Variants in LYST observed in about 807,000 individuals in gnomAD.
The protein encoded by LYST is lysosomal trafficking regulator.
LYST carries 192 observed loss-of-function variants against 413.6 expected under a neutral mutation model. The ratio of observed to expected loss-of-function variants is 0.46; its 90% CI spans 0.41 to 0.52. The LOEUF (loss-of-function observed/expected upper bound fraction) is 0.52, where lower values mean the gene tolerates loss of function less well. Ranked by LOEUF, LYST falls within the 20% of genes least tolerant of loss-of-function variation. The pLI, the probability that LYST is intolerant of heterozygous loss-of-function variation, is 0.00. For synonymous variants in LYST, 1,525 were observed against 1,567.3 expected (o/e 0.97, Z 0.64); for missense variants, 3,815 against 4,499.9 (o/e 0.85, Z 4.35).
rs1018024115 is a variant in LYST, at chr1:235,664,642, G to A, written c.11039-21C>T. The A allele has an allele frequency of 7.4e-6, 12 of 1,613,752 alleles. No individual in the cohort carries two copies. The highest frequency in any genetic ancestry group is 4.5e-5 in the East Asian group (2 of 44,886). Reference sequence around the variant, plus strand: ...GCCAGCTAAAACACCCAAATCATCCGGCGGGTTACCAGAATGTGGCTGTCT... The same window carrying A: ...GCCAGCTAAAACACCCAAATCATCCAGCGGGTTACCAGAATGTGGCTGTCT... On this transcript the variant is annotated intron_variant, in intron 50 of 52. Transcript: ENST00000389793. This position sits in a 1 kb window ranked among gnomAD's most constrained non-coding sequence, Gnocchi z 4.5.
At chr1:235,752,758 C>G (rs1321513699) in intron 26 of LYST, among the ~76,000 whole-genome samples, 1 of 151,968 alleles carries the variant, frequency 6.6e-6, no homozygotes, top group African/African-American at 2.4e-5. Flanking sequence ...CGATATTAGG[C>G]CTACAATGCT....
Position 235,810,224 on chromosome 1 carries a change from T to C in LYST, c.594A>G (p.Gln198=), listed in dbSNP as rs768986985. The C allele has an allele frequency of 6.2e-7, 1 of 1,614,126 alleles. No homozygotes were observed. The highest frequency in any genetic ancestry group is 2.2e-5 in the East Asian group (1 of 44,882). The stretch of plus-strand genomic sequence containing the variant: ...GGTCAAGTTTAGCTTTGGGGTGGTC[T>C]TGTTTAGGAAACGATGTTAAAAAAT... ...LHHFLTSFPK[Q]DHPKAKLDRL... Residue 198 remains glutamine, a synonymous_variant, in exon 5 of 53, where the codon CAA becomes CAG. Coordinates refer to ENST00000389793, the MANE Select transcript of LYST (RefSeq NM_000081.4).
chr1:235,695,040 A>G (rs1316054477), intron 46 of LYST, among the ~76,000 whole-genome samples: 1 of 152,176 alleles, frequency 6.6e-6, no homozygotes, highest in African/African-American at 2.4e-5. Context: ...TGTTCAGTCA[A>G]TGCCTCTCTA....
chr1:235,830,500 T>C (rs1029934025), intron 2 of LYST, 76 bp from the exon 3 acceptor site: 1 of 1,191,536 alleles, frequency 8.4e-7, no homozygotes, highest in South Asian at 1.4e-5. Flanking sequence ...TGTGTTTTTG[T>C]TGTTTGTTTC....
chr1:235,830,344 T>C lies in LYST; in HGVS notation c.74A>G (p.Gln25Arg), dbSNP rs767571020. 4.3e-6 allele frequency: 7 copies of C among 1,613,980 alleles called. No homozygotes were observed. Among genetic ancestry groups the C allele is most frequent in the East Asian group, 4.5e-5 (2 of 44,864 alleles). ...TTCTTCCTCCCTGGCCTCCACCCTC[T>C]GGACCACTGCATTGCAAAGCCGGTT... ...DVNRLCNAVV[Q>R]RVEAREEEEE... Residue 25 changes from glutamine (Q) to arginine (R), a missense_variant, in exon 3 of 53, where the codon CAG (glutamine) becomes CGG (arginine). By Grantham distance (43) the Gln-to-Arg change is conservative (BLOSUM62 1). Around this residue, in one of 4 missense-constraint regions of LYST, gnomAD observed 1,648 missense variants for 1,810.3 expected, o/e 0.91. Coordinates refer to ENST00000389793, the MANE Select transcript of LYST (RefSeq NM_000081.4).
intron 2 of LYST, among the ~76,000 whole-genome samples, chr1:235,831,151 C>T (rs1443384086): frequency 2.6e-5 from 4 of 152,138 alleles, no homozygotes; most frequent in Non-Finnish European, 5.9e-5. Context: ...TATCCAGTAA[C>T]CTTTAAAAGA....
chr1:235,707,930 C>A (rs1662115371), intron 44 of LYST, among the ~76,000 whole-genome samples: 1 of 151,920 alleles, frequency 6.6e-6, no homozygotes, highest in South Asian at 2.1e-4. Flanking sequence ...ATTCTTAATC[C>A]AAAAATCTGA....
At chr1:235,682,221 G>A (rs1239659815) in intron 48 of LYST, among the ~76,000 whole-genome samples, 1 of 152,146 alleles carries the variant, frequency 6.6e-6, no homozygotes, top group Non-Finnish European at 1.5e-5. Context: ...GTCGGGGATG[G>A]GGCTGAGGTG....
At chr1:235,767,900 T>A (rs1668297830) in intron 20 of LYST, among the ~76,000 whole-genome samples, 1 of 152,110 alleles carries the variant, frequency 6.6e-6, no homozygotes. Flanking sequence ...AGGTATCATC[T>A]TCTTCTCTAC....
chr1:235,732,768 C>T (rs1050613930), intron 34 of LYST, among the ~76,000 whole-genome samples: 7 of 152,088 alleles, frequency 4.6e-5, no homozygotes, highest in African/African-American at 1.7e-4. Flanking sequence ...TGTGTTCATG[C>T]CTTTTGCTCA....
intron 28 of LYST, among the ~76,000 whole-genome samples, chr1:235,747,989 A>G (rs756537032): frequency 2.6e-5 from 4 of 152,214 alleles, no homozygotes; most frequent in Non-Finnish European, 4.4e-5. Context: ...ATAAAATAGC[A>G]ACTGGTACAT....
chr1:235,662,493 C>A lies in LYST; in HGVS notation c.*447G>T, dbSNP rs1450765889. 2.2e-5 allele frequency: 4 copies of A among 185,092 alleles called. No homozygotes were observed. The highest frequency in any genetic ancestry group is 2.9e-4 in the East Asian group (2 of 6,944). 11.5% of individuals were successfully genotyped at this position (185,092 alleles called of 1,614,324 possible). A position where few individuals can be genotyped will look rare whatever the true frequency, so the allele number is the denominator to read the frequency against. ...TCTTTTTTTCTTTCCTCTTTTGGAG[C>A]ATGTGTGTGTGGTGGGAGGAGTATT... On this transcript the variant is annotated 3_prime_UTR_variant, in exon 53 of 53. Coordinates refer to ENST00000389793, the MANE Select transcript of LYST (RefSeq NM_000081.4).
At chr1:235,822,975 C>T (rs1329791276) in intron 3 of LYST, among the ~76,000 whole-genome samples, 2 of 152,186 alleles carry the variant, frequency 1.3e-5, no homozygotes, top group Non-Finnish European at 2.9e-5. Context: ...GATGTAAGAC[C>T]AGCTGATACC....
At position 235,775,169 on chromosome 1, in the gene LYST, ACATCAATC is replaced by A; in HGVS notation, c.5461-91_5461-84del. Reference sequence around the variant, plus strand: ...AACATGTATAATCTTCCATTCTGTAACATCAATCCATTAGTTTCTACAAAGTATTTTTT... The same window carrying A: ...AACATGTATAATCTTCCATTCTGTAACATTAGTTTCTACAAAGTATTTTTT... On this transcript the variant is annotated intron_variant, in intron 17 of 52. Transcript: ENST00000389793. 3 of 959,168 alleles carry A rather than the reference ACATCAATC, an allele frequency of 3.1e-6. 1 individual carries two copies. The South Asian group carries it at 4.0e-5, about 13-fold the overall frequency. 59.4% of individuals were successfully genotyped at this position (959,168 alleles called of 1,614,324 possible).
chr1:235,687,110 A>C (rs1266470013), intron 47 of LYST, 63 bp from the exon 48 acceptor site: 1 of 1,115,900 alleles, frequency 9.0e-7, no homozygotes, highest in Non-Finnish European at 1.3e-6. Context: ...AAGTATAATA[A>C]AAATAAAATA....
chr1:235,751,668 A>AT (rs1314653023), intron 27 of LYST, among the ~76,000 whole-genome samples: 2 of 152,118 alleles, frequency 1.3e-5, no homozygotes, highest in Non-Finnish European at 2.9e-5. Flanking sequence ...CAATTATCAT[A>AT]TTTTTTGTTT....
chr1:235,821,681 C>A (rs186166678), intron 3 of LYST, among the ~76,000 whole-genome samples: 16 of 152,124 alleles, frequency 1.1e-4, no homozygotes, highest in Non-Finnish European at 2.4e-4. Context: ...CTTGGTGAGT[C>A]ATATATGGTC....
intron 12 of LYST, among the ~76,000 whole-genome samples, chr1:235,789,319 T>G (rs1399634622): frequency 6.6e-6 from 1 of 152,204 alleles, no homozygotes; most frequent in Non-Finnish European, 1.5e-5. Context: ...TGTTTGAATA[T>G]ATTCATAATT....
intron 31 of LYST, chr1:235,737,927 CACT>C: frequency 3.0e-5 from 35 of 1,165,352 alleles, no homozygotes; most frequent in Admixed American, 8.9e-5. Context: ...GTCTGGATCT[CACT>C]GCCGCGTGCC....
Sources: gnomAD v4.1 joint callset for allele counts (sites outside exome capture counted in the v4.1 genomes callset) on GRCh38, gnomAD v4.1.1 for gene constraint, gnomAD v4.1.1 regional missense constraint, Gnocchi (gnomAD v3.1) non-coding constraint, MANE v1.5 for transcripts, NCBI Gene and HGNC (gene_info 2026-07-23, HGNC 2026-07-21) for gene names.